Variants in AOPEP observed in about 807,000 individuals in gnomAD.
AOPEP encodes aminopeptidase O (putative).
Under a neutral mutation model 98.1 loss-of-function variants are expected in AOPEP, and 77 were observed. The ratio of observed to expected loss-of-function variants is 0.78; its 90% CI spans 0.65 to 0.95. The LOEUF is 0.95. Ranked by LOEUF, AOPEP falls within the 40% of genes least tolerant of loss-of-function variation. AOPEP has a pLI of 0.00. For missense variants in AOPEP, 1,024 were observed against 1,024.7 expected (o/e 1.00, Z 0.01); for synonymous variants, 346 against 365.3 (o/e 0.95, Z 0.60).
chr9:94,785,400 C>T (rs1360277439), intron 3 of AOPEP, among the ~76,000 whole-genome samples: 4 of 152,146 alleles, frequency 2.6e-5, no homozygotes, highest in South Asian at 2.1e-4. Context: ...ATACGTCATA[C>T]GATACATGTA....
chr9:95,100,620 T>C, the AOPEP span: 2 of 230,320 alleles, frequency 8.7e-6, no homozygotes, highest in East Asian at 6.2e-5. Flanking sequence ...AATGTTAACC[T>C]TGAGATTACA....
chr9:94,986,924 C>T (rs2060559188), intron 11 of AOPEP, among the ~76,000 whole-genome samples: 1 of 152,162 alleles, frequency 6.6e-6, no homozygotes, highest in African/African-American at 2.4e-5. Flanking sequence ...AAAATGTTTC[C>T]TCTCTCTTGA....
chr9:95,104,930 G>T, the AOPEP span, among the ~76,000 whole-genome samples: 1 of 152,164 alleles, frequency 6.6e-6, no homozygotes, highest in Non-Finnish European at 1.5e-5. Flanking sequence ...CCACCCATAG[G>T]TGAGAGCATG....
At chr9:94,832,541 C>T (rs987637881) in intron 5 of AOPEP, among the ~76,000 whole-genome samples, 2 of 152,226 alleles carry the variant, frequency 1.3e-5, no homozygotes, top group East Asian at 3.9e-4. Context: ...TCTAAGGATA[C>T]ATTGGCAAAA....
chr9:95,092,795 C>G, the AOPEP span, among the ~76,000 whole-genome samples: 29 of 152,180 alleles, frequency 1.9e-4, no homozygotes, highest in Non-Finnish European at 7.3e-5. Flanking sequence ...TCTGACAGAA[C>G]AGAAGTGCGT....
At chr9:95,134,692 C>A in the AOPEP span, among the ~76,000 whole-genome samples, 2 of 152,234 alleles carry the variant, frequency 1.3e-5, no homozygotes, top group Non-Finnish European at 2.9e-5. Context: ...CACAGAGCTG[C>A]CTCCCACAAA....
At chr9:95,040,043 C>T (rs953228229) in intron 13 of AOPEP, among the ~76,000 whole-genome samples, 2 of 152,202 alleles carry the variant, frequency 1.3e-5, no homozygotes, top group African/African-American at 4.8e-5. Flanking sequence ...GCACAGGCCT[C>T]ATCAGCCCTG....
At chr9:94,790,558 T>C (rs1588225329) in intron 3 of AOPEP, among the ~76,000 whole-genome samples, 1 of 152,294 alleles carries the variant, frequency 6.6e-6, no homozygotes, top group South Asian at 2.1e-4. Flanking sequence ...AGAGAATGGC[T>C]GGCTCTGGTG....
chr9:94,815,667 A>G (rs1008852154), intron 5 of AOPEP, among the ~76,000 whole-genome samples: 3 of 152,018 alleles, frequency 2.0e-5, no homozygotes, highest in African/African-American at 4.8e-5. Flanking sequence ...TCTTATCCCA[A>G]TGTCCTGGCT....
At chr9:94,854,161 G>T (rs2043901215) in intron 5 of AOPEP, among the ~76,000 whole-genome samples, 1 of 152,200 alleles carries the variant, frequency 6.6e-6, no homozygotes, top group Non-Finnish European at 1.5e-5. Flanking sequence ...CTCAGAAGTT[G>T]CATTAGAATA....
chr9:95,063,419 G>A (rs1347458152), intron 14 of AOPEP, among the ~76,000 whole-genome samples: 1 of 151,980 alleles, frequency 6.6e-6, no homozygotes, highest in Admixed American at 6.6e-5. Flanking sequence ...ATCTCTGCAG[G>A]CTCCACTGAG....
the AOPEP span, among the ~76,000 whole-genome samples, chr9:95,103,188 G>A: frequency 2.0e-5 from 3 of 151,958 alleles, no homozygotes; most frequent in South Asian, 6.2e-4. Context: ...TGATGGGCTT[G>A]GCCATGTCTG....
chr9:94,928,433 C>A lies in AOPEP; in HGVS notation c.1563C>A (p.Pro521=). The A allele has an allele frequency of 6.5e-7, 1 of 1,547,870 alleles. No individual in the cohort carries two copies. Among genetic ancestry groups the A allele is most frequent in the Non-Finnish European group, 8.7e-7 (1 of 1,146,862 alleles). The change falls in exon 7 of 17, where the codon CCC becomes CCA. Residue 521 remains proline (P), a synonymous_variant. Transcript: ENST00000375315. The part of the protein sequence containing the change: ...VFWATAQQLA[P]YEAREQQELR... ...TGTCTGTGGCTGAGCAGCTGGCCCC[C>A]TATGAGGCCCGGGAGCAGCAGGAGC... is the stretch of plus-strand genomic sequence containing the variant.
At chr9:94,984,103 G>A (rs539533899) in intron 11 of AOPEP, among the ~76,000 whole-genome samples, 35 of 150,760 alleles carry the variant, frequency 2.3e-4, no homozygotes, top group African/African-American at 8.1e-4. Context: ...GCATGATCTC[G>A]GCTCACTGCA....
intron 5 of AOPEP, among the ~76,000 whole-genome samples, chr9:94,830,645 GT>G (rs1189208040): frequency 2.0e-5 from 3 of 152,174 alleles, no homozygotes; most frequent in African/African-American, 7.2e-5. Flanking sequence ...TTCCACGATG[GT>G]TGAAATAATT....
chr9:94,861,039 G>A (rs1457218579), intron 5 of AOPEP, among the ~76,000 whole-genome samples: 2 of 152,200 alleles, frequency 1.3e-5, no homozygotes. Context: ...TGCTGACAAT[G>A]CTATGAGATT....
At chr9:94,756,718 A>C (rs1046697422) in intron 1 of AOPEP, among the ~76,000 whole-genome samples, 3 of 151,846 alleles carry the variant, frequency 2.0e-5, no homozygotes, top group African/African-American at 4.8e-5. Context: ...TAGTCTGATA[A>C]ATTTGGGAAG....
intron 7 of AOPEP, among the ~76,000 whole-genome samples, chr9:94,947,443 T>C (rs1123534): frequency 0.35 from 52,935 of 151,964 alleles, 10,001 homozygotes; most frequent in Non-Finnish European, 0.43. Context: ...ACATCTCGCT[T>C]TGTTGCCCAG....
At chr9:95,080,134 T>C (rs1296152471) in intron 14 of AOPEP, among the ~76,000 whole-genome samples, 1 of 152,232 alleles carries the variant, frequency 6.6e-6, no homozygotes, top group Non-Finnish European at 1.5e-5. Context: ...ATCTGTCATC[T>C]TGCAAAATCA....
Sources: gnomAD v4.1 joint callset for allele counts (sites outside exome capture counted in the v4.1 genomes callset) on GRCh38, gnomAD v4.1.1 for gene constraint, MANE v1.5 for transcripts, NCBI Gene and HGNC (gene_info 2026-07-23, HGNC 2026-07-21) for gene names.